The following NRXN3 variants were observed in gnomAD, a reference collection of about 807,000 sequenced individuals.
The protein encoded by NRXN3 is neurexin 3.
NRXN3 carries 32 observed loss-of-function variants against 137.6 expected under a neutral mutation model. The ratio of observed to expected loss-of-function variants is 0.23; its 90% CI spans 0.18 to 0.31. The LOEUF is 0.31. Ranked by LOEUF, NRXN3 falls within the 10% of genes least tolerant of loss-of-function variation. NRXN3 has a pLI of 1.00. For missense variants in NRXN3, 1,574 were observed against 2,062.5 expected (o/e 0.76, Z 4.59); for synonymous variants, 798 against 784.5 (o/e 1.02, Z -0.29).
At chr14:79,393,588 G>A (rs1480073824) in intron 15 of NRXN3, among the ~76,000 whole-genome samples, 1 of 152,184 alleles carries the variant, frequency 6.6e-6, no homozygotes, top group Non-Finnish European at 1.5e-5. Flanking sequence ...GCCGAGGCGG[G>A]CGGATCATGA....
chr14:78,230,910 T>A (rs1218212615), intron 1 of NRXN3, among the ~76,000 whole-genome samples: 1 of 152,192 alleles, frequency 6.6e-6, no homozygotes, highest in Non-Finnish European at 1.5e-5. Context: ...TCATTCTGAC[T>A]GCTGTATGGA....
intron 2 of NRXN3, among the ~76,000 whole-genome samples, chr14:78,252,652 T>G (rs564521393): frequency 2.6e-5 from 4 of 152,320 alleles, no homozygotes; most frequent in African/African-American, 9.6e-5. Flanking sequence ...CCAACAGTCC[T>G]GTGGTTGATT....
intron 15 of NRXN3, among the ~76,000 whole-genome samples, chr14:79,326,909 C>T (rs1190979839): frequency 2.0e-5 from 3 of 152,182 alleles, no homozygotes; most frequent in Non-Finnish European, 4.4e-5. Context: ...GTACCTGCTC[C>T]TGATGCCCCA....
At chr14:79,760,077 G>A (rs531961667) in intron 19 of NRXN3, among the ~76,000 whole-genome samples, 2 of 151,734 alleles carry the variant, frequency 1.3e-5, no homozygotes, top group African/African-American at 4.9e-5. Context: ...TATATACTAT[G>A]TGTGTGCATG....
At chr14:79,218,803 A>G (rs1344773104) in intron 15 of NRXN3, among the ~76,000 whole-genome samples, 1 of 152,218 alleles carries the variant, frequency 6.6e-6, no homozygotes, top group Non-Finnish European at 1.5e-5. Flanking sequence ...TTGGACGGGT[A>G]AACAGACGAC....
chr14:78,642,881 C>A (rs1040653365), intron 4 of NRXN3, among the ~76,000 whole-genome samples: 1 of 152,174 alleles, frequency 6.6e-6, no homozygotes, highest in Non-Finnish European at 1.5e-5. Context: ...TGCTAAAATC[C>A]AGTATGAGTT....
At chr14:79,060,121 A>T (rs2152653802) in intron 15 of NRXN3, among the ~76,000 whole-genome samples, 1 of 152,334 alleles carries the variant, frequency 6.6e-6, no homozygotes, top group East Asian at 1.9e-4. Flanking sequence ...AGGTAGTCTG[A>T]AATCTTGCCA....
intron 10 of NRXN3, among the ~76,000 whole-genome samples, chr14:78,849,145 G>A (rs1436501845): frequency 1.3e-5 from 2 of 152,144 alleles, no homozygotes; most frequent in South Asian, 2.1e-4. Context: ...GACTTAAGGA[G>A]TGGGTCTGTA....
chr14:79,152,630 C>G (rs2059905311), intron 15 of NRXN3, among the ~76,000 whole-genome samples: 1 of 151,892 alleles, frequency 6.6e-6, no homozygotes, highest in African/African-American at 2.4e-5. Context: ...GGCAAGAGAG[C>G]TTGTGTAGGG....
At chr14:79,401,513 C>T (rs570425055) in intron 15 of NRXN3, among the ~76,000 whole-genome samples, 1 of 152,240 alleles carries the variant, frequency 6.6e-6, no homozygotes, top group South Asian at 2.1e-4. Flanking sequence ...CTAGGAGAAC[C>T]ACTGACTTAG....
At chr14:78,972,387 G>A (rs994447439) in intron 14 of NRXN3, among the ~76,000 whole-genome samples, 1 of 152,158 alleles carries the variant, frequency 6.6e-6, no homozygotes, top group Admixed American at 6.5e-5. Flanking sequence ...CCAAATCACC[G>A]TGATCCAAAT....
Position 78,966,338 on chromosome 14 carries a change from A to T in NRXN3, c.2709A>T (p.Ser903=). 6.2e-7 allele frequency: 1 copy of T among 1,614,138 alleles called. No homozygotes were observed. The highest frequency in any genetic ancestry group is 8.5e-7 in the Non-Finnish European group (1 of 1,180,024). ...MHLFFQFKTT[S]PDGFILFNSG... ...TCTTCTTCCAGTTCAAGACCACCTC[A>T]CCAGATGGCTTCATTCTCTTCAATA... The change falls in exon 12 of 21, where the codon TCA becomes TCT. Residue 903 remains serine (S), a synonymous_variant. Coordinates refer to ENST00000335750, the MANE Select transcript of NRXN3 (RefSeq NM_001330195.2).
chr14:78,561,644 G>T (rs1055991538), intron 4 of NRXN3, among the ~76,000 whole-genome samples: 4 of 152,126 alleles, frequency 2.6e-5, no homozygotes, highest in Non-Finnish European at 5.9e-5. Flanking sequence ...CTTCCAAAAT[G>T]ATATGATTTT....
At chr14:78,780,382 C>T (rs892076041) in intron 8 of NRXN3, among the ~76,000 whole-genome samples, 4 of 151,794 alleles carry the variant, frequency 2.6e-5, no homozygotes, top group East Asian at 3.9e-4. Context: ...ATTAGCTTTA[C>T]GACCTATGTA....
At chr14:79,314,627 A>G (rs2088005222) in intron 15 of NRXN3, among the ~76,000 whole-genome samples, 1 of 102,704 alleles carries the variant, frequency 9.7e-6, no homozygotes, top group South Asian at 4.1e-4. Context: ...CAGACAAACA[A>G]AAAGACAGCA....
chr14:79,517,097 C>CCA (rs1555499633), intron 16 of NRXN3, among the ~76,000 whole-genome samples: 2 of 136,350 alleles, frequency 1.5e-5, no homozygotes, highest in African/African-American at 6.1e-5. Context: ...GTACAGCCCC[C>CCA]CCCCCCTCAA....
At chr14:79,083,521 T>C (rs952199433) in intron 15 of NRXN3, among the ~76,000 whole-genome samples, 2 of 152,246 alleles carry the variant, frequency 1.3e-5, no homozygotes, top group African/African-American at 2.4e-5. Context: ...GTCAACTGGA[T>C]TCATCTTTTC....
At chr14:78,637,187 C>A (rs2097574656) in intron 4 of NRXN3, among the ~76,000 whole-genome samples, 1 of 152,194 alleles carries the variant, frequency 6.6e-6, no homozygotes, top group African/African-American at 2.4e-5. Flanking sequence ...TGAGCCTATA[C>A]ATGTGTCCAT....
At chr14:78,778,708 TTC>T (rs1390330430) in intron 8 of NRXN3, among the ~76,000 whole-genome samples, 1 of 149,242 alleles carries the variant, frequency 6.7e-6, no homozygotes, top group Non-Finnish European at 1.5e-5. Flanking sequence ...CTTTCTTTCT[TTC>T]TTTCTTTCTT....
Sources: gnomAD v4.1 joint callset for allele counts (sites outside exome capture counted in the v4.1 genomes callset) on GRCh38, gnomAD v4.1.1 for gene constraint, MANE v1.5 for transcripts, NCBI Gene and HGNC (gene_info 2026-07-23, HGNC 2026-07-21) for gene names.